Variants in APPL1 observed in about 807,000 individuals in gnomAD.
APPL1 encodes the protein DCC-interacting protein 13-alpha.
APPL1 carries 42 observed loss-of-function variants against 106.8 expected under a neutral mutation model. That is an observed-to-expected ratio of 0.39 (90% CI 0.31 to 0.51). The LOEUF (loss-of-function observed/expected upper bound fraction) is 0.51, where lower values mean the gene tolerates loss of function less well. Ranked by LOEUF, APPL1 falls within the 20% of genes least tolerant of loss-of-function variation. The pLI is 0.75. For missense variants in APPL1, 769 were observed against 858.2 expected (o/e 0.90, Z 1.30); for synonymous variants, 263 against 281.8 (o/e 0.93, Z 0.67).
At chr3:57,230,883 C>A in intron 1 of APPL1, 2 of 322,984 alleles carry the variant, frequency 6.2e-6, no homozygotes, top group Non-Finnish European at 6.2e-6. Context: ...CCAAGCTCAG[C>A]TAATTTTATT....
chr3:57,240,412 T>C (rs2060739402), intron 4 of APPL1, 53 bp from the exon 5 acceptor site: 5 of 1,342,962 alleles, frequency 3.7e-6, no homozygotes, highest in Admixed American at 3.4e-5. Flanking sequence ...TACATAACAC[T>C]GGTTAAATGT....
intron 18 of APPL1, 49 bp from the exon 19 acceptor site, chr3:57,260,579 G>A (rs2060859681): frequency 3.2e-6 from 5 of 1,548,070 alleles, no homozygotes; most frequent in Non-Finnish European, 4.4e-6. Context: ...AAGTGCTGCT[G>A]TAATGACTTG....
At chr3:57,258,122 G>GT (rs1043095550) in intron 15 of APPL1, among the ~76,000 whole-genome samples, 1 of 152,138 alleles carries the variant, frequency 6.6e-6, no homozygotes, top group East Asian at 1.9e-4. Context: ...TACTGTCAGT[G>GT]TTTTTTTAGA....
chr3:57,267,042 GTTC>G (rs1359709303), intron 19 of APPL1, among the ~76,000 whole-genome samples: 1 of 151,994 alleles, frequency 6.6e-6, no homozygotes, highest in Non-Finnish European at 1.5e-5. Context: ...CTCCAGCTTT[GTTC>G]TTTTTGTTTA....
At position 57,269,893 on chromosome 3, in the gene APPL1, G is replaced by T; in HGVS notation, c.*206G>T. The T allele has an allele frequency of 2.1e-6, 1 of 468,294 alleles. No individual in the cohort carries two copies. Among genetic ancestry groups the T allele is most frequent in the East Asian group, 3.6e-5 (1 of 27,726 alleles). 29.0% of individuals were successfully genotyped at this position (468,294 alleles called of 1,614,324 possible). On this transcript the variant is annotated 3_prime_UTR_variant, in exon 22 of 22. Transcript: ENST00000288266. Reference sequence around the variant, plus strand: ...TTCCCCCTTAAACATAATGTACTATGTATTAACATCTAAAGGAAACCTGCT... The same window carrying T: ...TTCCCCCTTAAACATAATGTACTATTTATTAACATCTAAAGGAAACCTGCT...
rs2060851805 is a variant in APPL1 at position 57,259,073 on chromosome 3, A to G, written c.1476A>G (p.Glu492=). The change falls in exon 16 of 22, where the codon GAA becomes GAG. Residue 492 remains glutamate, a synonymous_variant. Coordinates refer to ENST00000288266, the MANE Select transcript of APPL1 (RefSeq NM_012096.3). ...AATCTGGAGGAAGTACAAAATCTGAAACTGAAGGTAAGACAGATGTGCAGC... is the reference window on the plus strand; with the variant it reads ...AATCTGGAGGAAGTACAAAATCTGAGACTGAAGGTAAGACAGATGTGCAGC... The part of the protein sequence containing the change: ...FGESGGSTKS[E]TEDSILHQLF... 3 of 1,612,170 alleles carry G rather than the reference A, an allele frequency of 1.9e-6. No individual in the cohort carries two copies. The African/African-American group carries it at 4.0e-5, about 22-fold the overall frequency.
intron 19 of APPL1, among the ~76,000 whole-genome samples, chr3:57,265,952 TTAAA>T (rs1351990859): frequency 3.9e-5 from 6 of 152,240 alleles, no homozygotes; most frequent in African/African-American, 1.4e-4. Context: ...ATTGAAATGA[TTAAA>T]TAGTTTTTGT....
intron 8 of APPL1, among the ~76,000 whole-genome samples, chr3:57,246,469 G>A (rs532386166): frequency 3.3e-5 from 5 of 152,286 alleles, no homozygotes; most frequent in Non-Finnish European, 7.3e-5. Flanking sequence ...CATAGCTGGG[G>A]ACTGAGAGAA....
chr3:57,241,565 A>C (rs1333668103), intron 5 of APPL1, among the ~76,000 whole-genome samples: 4 of 152,192 alleles, frequency 2.6e-5, no homozygotes, highest in African/African-American at 9.6e-5. Context: ...CTACACCTAC[A>C]CCATTTCTGG....
At chr3:57,243,138 A>G (rs1170825089) in intron 7 of APPL1, among the ~76,000 whole-genome samples, 1 of 152,206 alleles carries the variant, frequency 6.6e-6, no homozygotes, top group Non-Finnish European at 1.5e-5. Flanking sequence ...AAATATAACT[A>G]TTCTGGAAAT....
At chr3:57,262,932 C>G (rs2060875183) in intron 19 of APPL1, among the ~76,000 whole-genome samples, 1 of 150,790 alleles carries the variant, frequency 6.6e-6, no homozygotes, top group African/African-American at 2.4e-5. Context: ...CTCATTGCAA[C>G]CTCCGCCCCC....
In APPL1 at chr3:57,271,752, G is replaced by A. The variant is rs2060941614; in HGVS notation, c.*2065G>A. 1 of 152,190 alleles carries A rather than the reference G, an allele frequency of 6.6e-6. No individual in the cohort carries two copies. The highest frequency in any genetic ancestry group is 2.1e-4 in the South Asian group (1 of 4,834). The allele number at this position is 152,190 out of a possible 1,614,324, so 9.4% of individuals were successfully genotyped here. On this transcript the variant is annotated 3_prime_UTR_variant, in exon 22 of 22. Coordinates refer to ENST00000288266, the MANE Select transcript of APPL1 (RefSeq NM_012096.3). ...AGACTTAGGGATGCTGGACAGACCT[G>A]TAGTTCGTTTTAAGTCATGTTCACA... is the stretch of plus-strand genomic sequence containing the variant.
chr3:57,255,327 A>C (rs1274980492), intron 13 of APPL1, among the ~76,000 whole-genome samples: 1 of 152,120 alleles, frequency 6.6e-6, no homozygotes, highest in Non-Finnish European at 1.5e-5. Context: ...TTTCTTTGGG[A>C]GGCTCTCACT....
Position 57,268,493 on chromosome 3 carries a change from CAGTCCTA to C in APPL1, c.1983+8_1983+14del. ...AACAAAAACAGATTGAAAAGGTATA[CAGTCCTA>C]ATGTCTGGATCTTTATGTGTTGTTT... On this transcript the variant is annotated splice_region_variant and intron_variant, in intron 21 of 21. Transcript: ENST00000288266. The C allele has an allele frequency of 6.2e-7, 1 of 1,600,222 alleles. No homozygotes were observed. Among genetic ancestry groups the C allele is most frequent in the Non-Finnish European group, 8.5e-7 (1 of 1,175,424 alleles).
At chr3:57,236,034 C>T in intron 2 of APPL1, among the ~76,000 whole-genome samples, 1 of 134,694 alleles carries the variant, frequency 7.4e-6, no homozygotes, top group Non-Finnish European at 1.6e-5. Context: ...GGAGCACTTC[C>T]CCACCCCCAC....
chr3:57,264,019 G>A (rs867436025), intron 19 of APPL1, among the ~76,000 whole-genome samples: 1 of 152,110 alleles, frequency 6.6e-6, no homozygotes. Flanking sequence ...AGTGTACAAG[G>A]GTTCCCTTTT....
chr3:57,235,615 A>G lies in APPL1; in HGVS notation c.104A>G (p.Asn35Ser), dbSNP rs776237801. Residue 35 changes from asparagine to serine, a missense_variant, in exon 2 of 22, where the codon AAC (asparagine) becomes AGC (serine). Physicochemically the swap from Asn to Ser is conservative, Grantham distance 46 (BLOSUM62 1). Transcript: ENST00000288266. ...GAAGAAGATGCCACAGCTATTTCCA[A>G]CTATATGAACCAGTTGTATCAAGCT... ...VFEEDATAIS[N>S]YMNQLYQAMH... 1.4e-5 allele frequency: 23 copies of G among 1,613,496 alleles called. No individual in the cohort carries two copies. The highest frequency in any genetic ancestry group is 2.2e-5 in the East Asian group (1 of 44,840).
At chr3:57,242,786 A>G (rs2060753661) in intron 6 of APPL1, 70 bp from the exon 7 acceptor site, 1 of 1,155,400 alleles carries the variant, frequency 8.7e-7, no homozygotes, top group Non-Finnish European at 1.3e-6. Context: ...GCACATGTGA[A>G]GACCATTGAA....
chr3:57,239,144 T>C (rs2060732053), intron 4 of APPL1, among the ~76,000 whole-genome samples: 1 of 152,200 alleles, frequency 6.6e-6, no homozygotes, highest in Admixed American at 6.5e-5. Context: ...ACTTATTCAC[T>C]ACCACGAGAA....
Sources: allele counts gnomAD v4.1 joint callset (sites outside exome capture counted in the v4.1 genomes callset), GRCh38; gene constraint gnomAD v4.1.1; transcripts MANE v1.5; gene names NCBI Gene and HGNC (gene_info 2026-07-23, HGNC 2026-07-21).